KLRG1: variants seen among roughly 807,000 people sequenced by gnomAD.
KLRG1 encodes the protein killer cell lectin-like receptor subfamily G member 1.
In KLRG1, 16 loss-of-function variants were observed where a neutral mutation model predicts 21.8. That is an observed-to-expected ratio of 0.73 (90% confidence interval 0.50 to 1.11). KLRG1 has a LOEUF of 1.11. KLRG1 is among the 50% of genes most tolerant of loss of function. The pLI is 0.00. For synonymous variants in KLRG1, 69 were observed against 75.9 expected, an observed-to-expected ratio of 0.91 and a Z score of 0.47; for missense variants, 173 against 218.3, an observed-to-expected ratio of 0.79 and a Z score of 1.31.
At chr12:9,141,871 T>C in the KLRG1 span, among the ~76,000 whole-genome samples, 2 of 152,228 alleles carry the variant, frequency 1.3e-5, no homozygotes, top group Non-Finnish European at 2.9e-5. Flanking sequence ...TATTCCAGCA[T>C]TTAACTCCAT....
the KLRG1 span, among the ~76,000 whole-genome samples, chr12:9,062,532 GAT>G: frequency 1.4e-5 from 2 of 145,986 alleles, no homozygotes; most frequent in African/African-American, 2.5e-5. Flanking sequence ...TAATATATCT[GAT>G]ATGTTTATAT....
At chr12:9,044,535 C>T in the KLRG1 span, among the ~76,000 whole-genome samples, 5 of 151,938 alleles carry the variant, frequency 3.3e-5, no homozygotes, top group Non-Finnish European at 4.4e-5. Context: ...GGCGTGGTGG[C>T]GTGCACCTAT....
the KLRG1 span, chr12:9,076,904 C>T: frequency 6.2e-7 from 1 of 1,607,276 alleles, no homozygotes; most frequent in Non-Finnish European, 8.5e-7. Context: ...AGGCTGACTC[C>T]AGGCAAAACA....
chr12:9,049,590 CT>C, the KLRG1 span, among the ~76,000 whole-genome samples: 1 of 152,096 alleles, frequency 6.6e-6, no homozygotes, highest in Admixed American at 6.5e-5. Context: ...CTTATTTTAT[CT>C]TCTCATTTCA....
the KLRG1 span, among the ~76,000 whole-genome samples, chr12:9,060,768 A>G: frequency 6.6e-6 from 1 of 152,230 alleles, no homozygotes; most frequent in Non-Finnish European, 1.5e-5. Context: ...TGCTAACCAG[A>G]TTTTAGAATT....
In KLRG1 at chr12:8,991,351, C is replaced by T. The variant is rs1414358946; in HGVS notation, c.83-855C>T. 2.6e-5 allele frequency among the ~76,000 whole-genome samples: 4 copies of T among 152,270 alleles called. No homozygotes were observed. The East Asian group carries it at 7.7e-4, about 29-fold the overall frequency. ...TTCTTAAACTTGGCATCAACTTAAA[C>T]TTACTGCTCTTTTAATAACGACAGT... On this transcript the variant is annotated intron_variant, in intron 1 of 4. Transcript: ENST00000356986.
At chr12:9,111,360 T>C in the KLRG1 span, among the ~76,000 whole-genome samples, 1 of 152,164 alleles carries the variant, frequency 6.6e-6, no homozygotes, top group Non-Finnish European at 1.5e-5. Flanking sequence ...AAAGCCAAGT[T>C]AGGCTGACAG....
intron 1 of KLRG1, among the ~76,000 whole-genome samples, chr12:8,961,295 C>G (rs1946376991): frequency 6.6e-6 from 1 of 152,128 alleles, no homozygotes; most frequent in South Asian, 2.1e-4. Context: ...TGTGTTTGCT[C>G]AGAAGTAGCA....
the KLRG1 span, among the ~76,000 whole-genome samples, chr12:9,056,977 TAAG>T: frequency 6.6e-6 from 1 of 152,242 alleles, no homozygotes; most frequent in African/African-American, 2.4e-5. Context: ...ATTATCTTTT[TAAG>T]ATTTATGTAT....
At chr12:9,196,605 A>G in the KLRG1 span, 3 of 1,613,142 alleles carry the variant, frequency 1.9e-6, no homozygotes, top group Non-Finnish European at 2.5e-6. Context: ...CTTCCACTCT[A>G]AGCTTCATTT....
At chr12:9,214,098 C>T in the KLRG1 span, among the ~76,000 whole-genome samples, 1 of 151,874 alleles carries the variant, frequency 6.6e-6, no homozygotes, top group African/African-American at 2.4e-5. Flanking sequence ...ATCCTTTCCC[C>T]ATTAAATGTT....
chr12:9,008,977 C>A lies in KLRG1; in HGVS notation c.360C>A (p.Ser120Arg). Residue 120 changes from serine to arginine, a missense_variant and splice_region_variant, in exon 4 of 5, where the codon AGC becomes AGA. Physicochemically the swap from Ser to Arg is moderately radical, Grantham distance 110 (BLOSUM62 -1). Coordinates refer to ENST00000356986, the MANE Select transcript of KLRG1 (RefSeq NM_005810.4). ...TTGGTTTTCAACCTCTCCCTTAGAGCCTGCTCCAAGTTTTCCTCAGTGAGG... is the reference window on the plus strand; with the variant it reads ...TTGGTTTTCAACCTCTCCCTTAGAGACTGCTCCAAGTTTTCCTCAGTGAGG... ...LLVITDNQEM[S>R]LLQVFLSEAF... 2.5e-6 allele frequency: 4 copies of A among 1,612,684 alleles called. No individual in the cohort carries two copies. The Admixed American group carries it at 5.0e-5, about 20-fold the overall frequency.
chr12:9,199,580 A>G, the KLRG1 span, among the ~76,000 whole-genome samples: 1 of 152,192 alleles, frequency 6.6e-6, no homozygotes, highest in Non-Finnish European at 1.5e-5. Context: ...TCAATGTTCC[A>G]TGAGAAAACA....
chr12:9,152,416 C>T, the KLRG1 span: 3 of 814,826 alleles, frequency 3.7e-6, no homozygotes, highest in Non-Finnish European at 6.2e-6. Context: ...GAAGTTGTCC[C>T]TAATATTCTA....
chr12:8,971,043 G>A (rs910706844), intron 1 of KLRG1: 14 of 152,064 alleles, frequency 9.2e-5, no homozygotes, highest in African/African-American at 1.4e-4. Context: ...AAGGCGGAGC[G>A]TCTGTAATTT....
the KLRG1 span, among the ~76,000 whole-genome samples, chr12:9,123,048 T>C: frequency 6.6e-5 from 10 of 152,146 alleles, no homozygotes; most frequent in Non-Finnish European, 1.0e-4. Context: ...TATTAGAAAA[T>C]AAAACATGTT....
At chr12:8,980,372 T>C (rs1266106865) in intron 1 of KLRG1, among the ~76,000 whole-genome samples, 3 of 152,232 alleles carry the variant, frequency 2.0e-5, no homozygotes, top group Non-Finnish European at 1.5e-5. Context: ...TTGAATTCTT[T>C]GTCGGGCAAT....
At chr12:9,185,344 T>C in the KLRG1 span, among the ~76,000 whole-genome samples, 1 of 152,096 alleles carries the variant, frequency 6.6e-6, no homozygotes, top group African/African-American at 2.4e-5. Flanking sequence ...AGCCACAAAA[T>C]TGACTTTCTG....
At chr12:8,995,051 T>C (rs1391703751) in intron 2 of KLRG1, 68 bp from the exon 3 acceptor site, 22 of 1,421,600 alleles carry the variant, frequency 1.5e-5, no homozygotes, top group Non-Finnish European at 2.1e-5. Context: ...TATTCCATTT[T>C]ATCTCCCATT....
Sources: gnomAD v4.1 joint callset for allele counts (sites outside exome capture counted in the v4.1 genomes callset) on GRCh38, gnomAD v4.1.1 for gene constraint, MANE v1.5 for transcripts, NCBI Gene and HGNC (gene_info 2026-07-23, HGNC 2026-07-21) for gene names.